The following ZC3H3 variants were observed in gnomAD, a reference collection of about 807,000 sequenced individuals.
ZC3H3 encodes the protein zinc finger CCCH-type containing 3, also known as zinc finger CCCH domain-containing protein 3.
In ZC3H3, 36 loss-of-function variants were observed where a neutral mutation model predicts 77.3. The observed-to-expected ratio is 0.47, with a 90% CI of 0.36 to 0.61. The LOEUF (loss-of-function observed/expected upper bound fraction) is 0.61, where lower values mean the gene tolerates loss of function less well. Ranked by LOEUF, ZC3H3 falls within the 20% of genes least tolerant of loss-of-function variation. ZC3H3 has a pLI of 0.00. For synonymous variants in ZC3H3, 626 were observed against 555.2 expected, an observed-to-expected ratio of 1.13 and a Z score of -1.79; for missense variants, 1,331 against 1,312.2, an observed-to-expected ratio of 1.01 and a Z score of -0.22.
Position 143,541,394 on chromosome 8 carries a change from G to C in ZC3H3, c.28C>G (p.Gln10Glu). The C allele has an allele frequency of 6.2e-7, 1 of 1,611,766 alleles. No homozygotes were observed. The highest frequency in any genetic ancestry group is 8.5e-7 in the Non-Finnish European group (1 of 1,179,470). Residue 10 changes from glutamine to glutamate, a missense_variant, in exon 1 of 12, where the codon CAG becomes GAG. By Grantham distance (29) the Gln-to-Glu change is conservative (BLOSUM62 2). Around this residue, in one of 3 missense-constraint regions of ZC3H3, gnomAD observed 978 missense variants for 915.5 expected, o/e 1.07. Coordinates refer to ENST00000262577, the MANE Select transcript of ZC3H3 (RefSeq NM_015117.3). ...GACCTACCCTGCAGTAGGCGGATCTGCCGCCGTAATATCTCCTTTTCCTCC... is the reference window on the plus strand; with the variant it reads ...GACCTACCCTGCAGTAGGCGGATCTCCCGCCGTAATATCTCCTTTTCCTCC... MEEKEILRR[Q>E]IRLLQGLIDD...
At chr8:143,540,589 A>G (rs1224954992) in intron 1 of ZC3H3, among the ~76,000 whole-genome samples, 1 of 152,286 alleles carries the variant, frequency 6.6e-6, no homozygotes, top group East Asian at 1.9e-4. Context: ...TTAAGTGTGG[A>G]AGCTGAAGCC....
intron 5 of ZC3H3, among the ~76,000 whole-genome samples, chr8:143,472,959 G>A (rs2005246): frequency 0.027 from 4,158 of 152,292 alleles, 65 homozygotes; most frequent in East Asian, 0.054. Context: ...AGGGCAGTAG[G>A]CATCCCCTCC....
chr8:143,510,751 G>A (rs1044214378), intron 3 of ZC3H3, among the ~76,000 whole-genome samples: 2 of 152,180 alleles, frequency 1.3e-5, no homozygotes, highest in African/African-American at 4.8e-5. Context: ...CTGGCTGGCT[G>A]GGGTTTGTGT....
At chr8:143,464,278 A>T (rs1820349068) in intron 9 of ZC3H3, among the ~76,000 whole-genome samples, 1 of 152,248 alleles carries the variant, frequency 6.6e-6, no homozygotes, top group Non-Finnish European at 1.5e-5. Context: ...ATTTTCATTT[A>T]AATCGAAACA....
At chr8:143,452,294 C>A (rs927056438) in intron 9 of ZC3H3, among the ~76,000 whole-genome samples, 1 of 152,264 alleles carries the variant, frequency 6.6e-6, no homozygotes. Flanking sequence ...AACTCCTTCC[C>A]CCAAGGCAGG....
intron 9 of ZC3H3, among the ~76,000 whole-genome samples, chr8:143,450,053 C>T (rs1819950929): frequency 6.6e-6 from 1 of 152,214 alleles, no homozygotes; most frequent in Non-Finnish European, 1.5e-5. Context: ...CTTCCAACCT[C>T]TGTGGGTTAC....
At chr8:143,514,247 G>GT (rs570807263) in intron 3 of ZC3H3, among the ~76,000 whole-genome samples, 8 of 152,256 alleles carry the variant, frequency 5.3e-5, no homozygotes, top group Admixed American at 5.2e-4. Context: ...AAGTGCCACC[G>GT]TGAGGTCCAC....
intron 5 of ZC3H3, among the ~76,000 whole-genome samples, chr8:143,475,016 C>A (rs1210277700): frequency 6.6e-6 from 1 of 152,246 alleles, no homozygotes; most frequent in African/African-American, 2.4e-5. Flanking sequence ...CTCTCCCCCA[C>A]CCCACAGAAA....
intron 4 of ZC3H3, among the ~76,000 whole-genome samples, chr8:143,500,400 T>A (rs1821489342): frequency 1.3e-5 from 2 of 152,192 alleles, no homozygotes; most frequent in African/African-American, 2.4e-5. Context: ...TGCCAGCCTG[T>A]AACAGGGTCC....
chr8:143,463,533 C>A (rs973317869), intron 9 of ZC3H3, among the ~76,000 whole-genome samples: 7 of 152,180 alleles, frequency 4.6e-5, no homozygotes, highest in African/African-American at 1.4e-4. Context: ...TTCAAGGACG[C>A]CGGCCGCGGA....
At chr8:143,491,068 T>A (rs1010954166) in intron 4 of ZC3H3, among the ~76,000 whole-genome samples, 1 of 152,188 alleles carries the variant, frequency 6.6e-6, no homozygotes, top group Non-Finnish European at 1.5e-5. Context: ...TTTCCAGGAA[T>A]GTCCATGCTT....
chr8:143,538,795 A>T lies in ZC3H3; in HGVS notation c.572T>A (p.Val191Asp). Residue 191 changes from valine to aspartate, a missense_variant, in exon 2 of 12, where the codon GTC becomes GAC. Val to Asp is a radical substitution (Grantham distance 152). Around this residue, in one of 3 missense-constraint regions of ZC3H3, gnomAD observed 978 missense variants for 915.5 expected, o/e 1.07. Coordinates refer to ENST00000262577, the MANE Select transcript of ZC3H3 (RefSeq NM_015117.3). ...GTCSVEDPLL[V>D]CQKEPGKPRM... ...GGGCTTACCAGGCTCCTTCTGGCAG[A>T]CCAGAAGAGGATCTTCCACACTGCA... 6.2e-7 allele frequency: 1 copy of T among 1,612,342 alleles called. No homozygotes were observed. Among genetic ancestry groups the T allele is most frequent in the South Asian group, 1.1e-5 (1 of 91,042 alleles).
chr8:143,514,550 A>G (rs1300343870), intron 3 of ZC3H3, among the ~76,000 whole-genome samples: 7 of 152,222 alleles, frequency 4.6e-5, no homozygotes, highest in African/African-American at 1.7e-4. Context: ...GCGTGAGCAC[A>G]CGTGCATGGT....
intron 4 of ZC3H3, among the ~76,000 whole-genome samples, chr8:143,480,456 C>A (rs1820877806): frequency 6.6e-6 from 1 of 152,250 alleles, no homozygotes; most frequent in Non-Finnish European, 1.5e-5. Flanking sequence ...GTGGGCCGTG[C>A]AGGCTGAGAG....
At chr8:143,519,448 G>A (rs1179682447) in intron 3 of ZC3H3, among the ~76,000 whole-genome samples, 1 of 152,174 alleles carries the variant, frequency 6.6e-6, no homozygotes, top group Non-Finnish European at 1.5e-5. Flanking sequence ...CATGTGTCTT[G>A]AAAGCGCAAA....
chr8:143,468,768 G>C (rs1393654979), intron 5 of ZC3H3, 109 bp from the exon 6 acceptor site: 1 of 1,380,170 alleles, frequency 7.2e-7, no homozygotes, highest in East Asian at 2.5e-5. Flanking sequence ...ACTCAGCTCA[G>C]GCACAGCCTC....
In ZC3H3 at chr8:143,460,272, A is replaced by ATAAAT. The variant is rs1356831314; in HGVS notation, c.2307+5440_2307+5444dup. ...CAAAAATAAATAAATAAATAAATAAATAAATAAATAAATAAATAAAAGGCA... is the reference window on the plus strand; with the variant it reads ...CAAAAATAAATAAATAAATAAATAAATAAATTAAATAAATAAATAAATAAAAGGCA... On this transcript the variant is annotated intron_variant, in intron 9 of 11. Coordinates refer to ENST00000262577, the MANE Select transcript of ZC3H3 (RefSeq NM_015117.3). This position sits in a 1 kb window ranked among gnomAD's most constrained non-coding sequence, Gnocchi z 4.0. Among the ~76,000 whole-genome samples, 2 of 151,384 alleles carry ATAAAT rather than the reference A, an allele frequency of 1.3e-5. No individual in the cohort carries two copies. Among genetic ancestry groups the ATAAAT allele is most frequent in the African/African-American group, 2.4e-5 (1 of 41,318 alleles).
intron 3 of ZC3H3, among the ~76,000 whole-genome samples, chr8:143,513,108 G>A (rs1275951298): frequency 6.6e-6 from 1 of 152,068 alleles, no homozygotes; most frequent in Non-Finnish European, 1.5e-5. Context: ...TGGGAGTCAG[G>A]GCCAGACCCG....
rs117814230 is a variant in ZC3H3, at chr8:143,469,922, A to G, written c.1904-1263T>C. Among the ~76,000 whole-genome samples, 263 of 152,320 alleles carry G rather than the reference A, an allele frequency of 1.7e-3. 5 individuals carry two copies. In the East Asian group the frequency reaches 0.046, roughly 27 times the overall value. ...AAGAGGCAGAGGTGACATCACTCAG[A>G]AATTCTGGGGACCTGAGGTGGTGAC... On this transcript the variant is annotated intron_variant, in intron 5 of 11. Transcript: ENST00000262577.
Sources: gnomAD v4.1 joint callset for allele counts (sites outside exome capture counted in the v4.1 genomes callset) on GRCh38, gnomAD v4.1.1 for gene constraint, gnomAD v4.1.1 regional missense constraint, Gnocchi (gnomAD v3.1) non-coding constraint, MANE v1.5 for transcripts, NCBI Gene and HGNC (gene_info 2026-07-23, HGNC 2026-07-21) for gene names.